Variants in ARID4A observed in about 807,000 individuals in gnomAD.
The protein encoded by ARID4A is AT-rich interactive domain-containing protein 4A.
Under a neutral mutation model 148.6 loss-of-function variants are expected in ARID4A, and 39 were observed. That is an observed-to-expected ratio of 0.26 (90% CI 0.20 to 0.34). The LOEUF (loss-of-function observed/expected upper bound fraction) is 0.34, where lower values mean the gene tolerates loss of function less well. Among genes scored for constraint, ARID4A ranks in the 10% least tolerant of loss-of-function variants. The pLI is 1.00. For synonymous variants in ARID4A, 475 were observed against 481.2 expected (o/e 0.99, Z 0.17); for missense variants, 1,265 against 1,449.1 (o/e 0.87, Z 2.06).
At chr14:58,327,579 A>G (rs942900618) in intron 8 of ARID4A, among the ~76,000 whole-genome samples, 6 of 152,036 alleles carry the variant, frequency 3.9e-5, no homozygotes, top group African/African-American at 1.4e-4. Flanking sequence ...TATATGCCAA[A>G]TTTTCATCAC....
At chr14:58,360,793 A>T (rs988965225) in intron 18 of ARID4A, 108 bp from the exon 19 acceptor site, 2 of 1,145,472 alleles carry the variant, frequency 1.7e-6, no homozygotes, top group Non-Finnish European at 2.5e-6. Context: ...AGGAAGTGAC[A>T]TATAAAATAT....
chr14:58,363,327 C>A (rs760107478), intron 19 of ARID4A, among the ~76,000 whole-genome samples: 7 of 152,212 alleles, frequency 4.6e-5, no homozygotes, highest in Non-Finnish European at 7.4e-5. Flanking sequence ...AGTTCCCTTA[C>A]AGGGAACAAT....
At chr14:58,308,994 T>TA (rs1385463995) in intron 5 of ARID4A, among the ~76,000 whole-genome samples, 8 of 152,356 alleles carry the variant, frequency 5.3e-5, no homozygotes, top group African/African-American at 1.9e-4. Context: ...TCTTGCATAA[T>TA]ACAGGTATCA....
chr14:58,307,473 G>A (rs985769065), intron 5 of ARID4A, among the ~76,000 whole-genome samples: 4 of 152,144 alleles, frequency 2.6e-5, no homozygotes, highest in African/African-American at 9.7e-5. Context: ...CTATTATTCT[G>A]AACTACATAT....
chr14:58,356,765 G>A (rs1048912076), intron 17 of ARID4A, among the ~76,000 whole-genome samples: 9 of 149,282 alleles, frequency 6.0e-5, no homozygotes, highest in Admixed American at 2.7e-4. Context: ...GCAGTGGTGC[G>A]ATCTGGGCTC....
At chr14:58,316,803 C>A (rs1168070143) in intron 5 of ARID4A, among the ~76,000 whole-genome samples, 1 of 151,994 alleles carries the variant, frequency 6.6e-6, no homozygotes, top group African/African-American at 2.4e-5. Context: ...AGGTCTCGAA[C>A]TCCCGACCTC....
At chr14:58,299,490 G>T (rs1390476511) in intron 1 of ARID4A, 4 of 235,658 alleles carry the variant, frequency 1.7e-5, no homozygotes, top group Non-Finnish European at 3.4e-5. Context: ...CCCGAAGGGA[G>T]CTCTGGCCTT....
chr14:58,339,873 A>AGAGC lies in ARID4A; in HGVS notation c.907-4821_907-4820insAGCG, dbSNP rs1491201000. ...GAGAGAGAGAGAGAGAGAGAGAGAGAGCATGAGCACGCAAAGGGGGAAGTG... is the reference window on the plus strand; with the variant it reads ...GAGAGAGAGAGAGAGAGAGAGAGAGAGAGCGCATGAGCACGCAAAGGGGGAAGTG... On this transcript the variant is annotated intron_variant, in intron 11 of 23. Transcript: ENST00000355431. Among the ~76,000 whole-genome samples the AGAGC allele has an allele frequency of 2.2e-4, 29 of 134,826 alleles. No homozygotes were observed. The South Asian group carries it at 5.1e-3, about 24-fold the overall frequency. The allele number at this position is 134,826 out of a possible 152,430, so 88.5% of individuals were successfully genotyped here.
Position 58,364,333 on chromosome 14 carries a change from T to C in ARID4A, c.2244T>C (p.Asp748=), listed in dbSNP as rs775635295. ...CTGCACATATATTAAAAGAAAATGATAGGACTCAAATGCAGCCTTTAGAAA... is the reference window on the plus strand; with the variant it reads ...CTGCACATATATTAAAAGAAAATGACAGGACTCAAATGCAGCCTTTAGAAA... The part of the protein sequence containing the change: ...KISAHILKEN[D]RTQMQPLETL... The change falls in exon 20 of 24, where the codon GAT becomes GAC. Residue 748 remains aspartate (D), a synonymous_variant. Coordinates refer to ENST00000355431, the MANE Select transcript of ARID4A (RefSeq NM_002892.4). The C allele has an allele frequency of 6.3e-7, 1 of 1,576,726 alleles. No individual in the cohort carries two copies. Among genetic ancestry groups the C allele is most frequent in the Non-Finnish European group, 8.5e-7 (1 of 1,169,966 alleles).
At chr14:58,307,987 A>G (rs946233353) in intron 5 of ARID4A, among the ~76,000 whole-genome samples, 2 of 110,152 alleles carry the variant, frequency 1.8e-5, no homozygotes, top group East Asian at 2.1e-4. Flanking sequence ...TTAACTCACT[A>G]TAAAGGTTGT....
chr14:58,371,271 CAAAG>C (rs768455857), intron 23 of ARID4A, among the ~76,000 whole-genome samples: 111 of 151,908 alleles, frequency 7.3e-4, no homozygotes, highest in African/African-American at 2.5e-3. Flanking sequence ...AACAATCAGG[CAAAG>C]AAAGGCAGAA....
intron 5 of ARID4A, among the ~76,000 whole-genome samples, chr14:58,317,778 A>C (rs1270497019): frequency 6.6e-6 from 1 of 151,222 alleles, no homozygotes; most frequent in Non-Finnish European, 1.5e-5. Flanking sequence ...GACCACAGGC[A>C]TGAGCCACCA....
chr14:58,304,411 G>A (rs1836354030), intron 3 of ARID4A, among the ~76,000 whole-genome samples: 2 of 152,172 alleles, frequency 1.3e-5, no homozygotes, highest in Non-Finnish European at 2.9e-5. Flanking sequence ...TTGGACCATA[G>A]TAACCAGCCA....
At chr14:58,298,863 C>G (rs1197859222) in intron 1 of ARID4A, among the ~76,000 whole-genome samples, 163 bp downstream of exon 1, 1 of 152,196 alleles carries the variant, frequency 6.6e-6, no homozygotes, top group South Asian at 2.1e-4. Flanking sequence ...AGCCATTGAC[C>G]AGCGGCAGCA....
intron 11 of ARID4A, among the ~76,000 whole-genome samples, chr14:58,336,138 G>A (rs189165891): frequency 4.6e-5 from 7 of 152,072 alleles, no homozygotes; most frequent in Admixed American, 1.3e-4. Context: ...AGCATATCGC[G>A]TAATACTACC....
At chr14:58,305,447 G>A (rs2031528442) in intron 4 of ARID4A, among the ~76,000 whole-genome samples, 1 of 151,882 alleles carries the variant, frequency 6.6e-6, no homozygotes, top group Admixed American at 6.6e-5. Context: ...ATGCATTTCT[G>A]GCCATTTGTT....
rs2035384299 is a variant in ARID4A at position 58,366,973 on chromosome 14, C to G, written c.3614C>G (p.Ser1205Cys). The change falls in exon 23 of 24, where the codon TCT becomes TGT. Residue 1205 changes from serine to cysteine, a missense_variant. Physicochemically the swap from Ser to Cys is moderately radical, Grantham distance 112. This residue lies in a region of ARID4A where 666 missense variants were observed against 730.9 expected (regional missense o/e 0.91). Transcript: ENST00000355431. ...AGAAAATATTATATGTCTTTGAAGT[C>G]TGAAGTTGCAACCATAGACAGGAGG... ...EIRKYYMSLKSEVATIDRRRK... is the reference protein window; with the variant it reads ...EIRKYYMSLKCEVATIDRRRK... 6.6e-7 allele frequency: 1 copy of G among 1,512,526 alleles called. No individual in the cohort carries two copies. 93.7% of individuals were successfully genotyped at this position (1,512,526 alleles called of 1,614,324 possible).
At chr14:58,301,745 G>GGA (rs1370486976) in intron 3 of ARID4A, 55 bp downstream of exon 3, 2 of 1,356,200 alleles carry the variant, frequency 1.5e-6, no homozygotes, top group Non-Finnish European at 2.1e-6. Context: ...AGAAATTTGG[G>GGA]GAGAGAGAGA....
At chr14:58,305,954 A>G (rs2140137097) in intron 4 of ARID4A, 68 bp from the exon 5 acceptor site, 2 of 1,067,530 alleles carry the variant, frequency 1.9e-6, no homozygotes, top group Non-Finnish European at 2.9e-6. Context: ...GCTAGATTAT[A>G]TAGTTGGTGG....
Sources: allele counts gnomAD v4.1 joint callset (sites outside exome capture counted in the v4.1 genomes callset), GRCh38; gene constraint gnomAD v4.1.1; regional missense constraint gnomAD v4.1.1; transcripts MANE v1.5; gene names NCBI Gene and HGNC (gene_info 2026-07-23, HGNC 2026-07-21).